Variants in DLG2 observed in about 807,000 individuals in gnomAD.
DLG2 encodes the protein disks large homolog 2.
In DLG2, 45 loss-of-function variants were observed where a neutral mutation model predicts 132.5. That is an observed-to-expected ratio of 0.34 (90% confidence interval 0.27 to 0.44). The LOEUF is 0.44. Ranked by LOEUF, DLG2 falls within the 20% of genes least tolerant of loss-of-function variation. The probability of loss-of-function intolerance (pLI) is 1.00; values close to 1 mark genes in which losing one functional copy is unlikely to be tolerated. For synonymous variants in DLG2, 424 were observed against 419.6 expected, an observed-to-expected ratio of 1.01 and a Z score of -0.13; for missense variants, 1,045 against 1,196.9, an observed-to-expected ratio of 0.87 and a Z score of 1.87.
intron 6 of DLG2, among the ~76,000 whole-genome samples, chr11:84,956,931 C>T (rs542343569): frequency 6.6e-6 from 1 of 152,258 alleles, no homozygotes; most frequent in Admixed American, 6.5e-5. Flanking sequence ...ATTTTCAAGT[C>T]AGTGGCTCAA....
At chr11:85,191,843 T>C (rs2080599922) in intron 4 of DLG2, among the ~76,000 whole-genome samples, 1 of 152,178 alleles carries the variant, frequency 6.6e-6, no homozygotes, top group Non-Finnish European at 1.5e-5. Context: ...ACATACATTA[T>C]CTCAATTGAC....
At chr11:85,530,561 T>C (rs747204509) in intron 3 of DLG2, among the ~76,000 whole-genome samples, 46 of 152,252 alleles carry the variant, frequency 3.0e-4, no homozygotes, top group Admixed American at 7.9e-4. Context: ...CACCTTGTCA[T>C]CTGCCCACCT....
chr11:84,634,476 G>T (rs760091966), intron 6 of DLG2, among the ~76,000 whole-genome samples: 3 of 152,020 alleles, frequency 2.0e-5, no homozygotes, highest in Admixed American at 2.0e-4. Flanking sequence ...AGTCACAGGC[G>T]GACAACTATT....
intron 6 of DLG2, among the ~76,000 whole-genome samples, chr11:84,679,327 AT>A (rs1488176466): frequency 1.3e-5 from 2 of 152,082 alleles, no homozygotes; most frequent in Non-Finnish European, 2.9e-5. Context: ...ATGTCAATAT[AT>A]AGAGATTTTC....
intron 4 of DLG2, among the ~76,000 whole-genome samples, chr11:85,190,438 C>G (rs2080438673): frequency 6.6e-6 from 1 of 151,382 alleles, no homozygotes; most frequent in Admixed American, 6.6e-5. Flanking sequence ...AACCTGACAT[C>G]ACCCCTAAAG....
intron 6 of DLG2, among the ~76,000 whole-genome samples, chr11:85,079,104 G>C (rs1324753303): frequency 1.3e-5 from 2 of 152,064 alleles, no homozygotes; most frequent in East Asian, 1.9e-4. Context: ...TGGAAGTGGG[G>C]AGATTGTTGC....
chr11:85,227,926 T>C (rs1010181994), intron 4 of DLG2, among the ~76,000 whole-genome samples: 1 of 152,082 alleles, frequency 6.6e-6, no homozygotes, highest in Non-Finnish European at 1.5e-5. Context: ...ATCACACATG[T>C]TGTCTCTACC....
At position 85,261,837 on chromosome 11, in the gene DLG2, A is replaced by C. The variant is rs554481562; in HGVS notation, c.186+23383T>G. ...TCCCTGATAAGGAGGCGGCCCTTAAAAGTGACATCAAGGTTGGGCTATCAG... is the reference window on the plus strand; with the variant it reads ...TCCCTGATAAGGAGGCGGCCCTTAACAGTGACATCAAGGTTGGGCTATCAG... On this transcript the variant is annotated intron_variant, in intron 4 of 27. Transcript: ENST00000376104. 3.3e-5 allele frequency among the ~76,000 whole-genome samples: 5 copies of C among 152,234 alleles called. No homozygotes were observed. In the East Asian group the frequency reaches 9.7e-4, roughly 29 times the overall value.
At chr11:83,874,837 AT>A (rs2064356688) in intron 15 of DLG2, among the ~76,000 whole-genome samples, 2 of 152,262 alleles carry the variant, frequency 1.3e-5, no homozygotes, top group South Asian at 4.1e-4. Flanking sequence ...ATAAGAGTTA[AT>A]TTTTTTATAA....
At chr11:83,955,293 G>A (rs2086544012) in intron 14 of DLG2, among the ~76,000 whole-genome samples, 1 of 152,170 alleles carries the variant, frequency 6.6e-6, no homozygotes, top group Non-Finnish European at 1.5e-5. Context: ...TCAAACCTAA[G>A]CAGGGTAGCT....
At position 84,410,087 on chromosome 11, in the gene DLG2, C is replaced by A. The variant is rs757472038; in HGVS notation, c.519+124483G>T. ...ACTCCTAGGCAAGAAGAGCTAATTA[C>A]TGACTGAACCCTGATGGCTGAGCAT... On this transcript the variant is annotated intron_variant, in intron 7 of 27. Coordinates refer to ENST00000376104, the MANE Select transcript of DLG2 (RefSeq NM_001142699.3). Among the ~76,000 whole-genome samples, 7 of 152,194 alleles carry A rather than the reference C, an allele frequency of 4.6e-5. No homozygotes were observed. The South Asian group carries it at 8.3e-4, about 18-fold the overall frequency.
intron 6 of DLG2, among the ~76,000 whole-genome samples, chr11:84,606,691 C>G (rs1007868945): frequency 6.6e-6 from 1 of 152,018 alleles, no homozygotes; most frequent in Non-Finnish European, 1.5e-5. Flanking sequence ...CAAGTAAAAA[C>G]AAGTGCACTC....
At chr11:85,493,738 G>T (rs968824877) in intron 3 of DLG2, among the ~76,000 whole-genome samples, 22 of 146,786 alleles carry the variant, frequency 1.5e-4, no homozygotes, top group Non-Finnish European at 3.2e-4. Context: ...GAAGAGGGGA[G>T]GGGGAGAGAA....
At chr11:85,481,500 G>T (rs2093288365) in intron 3 of DLG2, among the ~76,000 whole-genome samples, 1 of 152,104 alleles carries the variant, frequency 6.6e-6, no homozygotes, top group Non-Finnish European at 1.5e-5. Context: ...GGCAGCACAG[G>T]GAGAGATACC....
At chr11:84,460,129 T>G (rs1274539968) in intron 7 of DLG2, among the ~76,000 whole-genome samples, 2 of 150,596 alleles carry the variant, frequency 1.3e-5, no homozygotes, top group Non-Finnish European at 3.0e-5. Flanking sequence ...ACTTTTTTAT[T>G]TTTTTGATCT....
At chr11:83,609,269 A>G (rs990982006) in intron 19 of DLG2, among the ~76,000 whole-genome samples, 2 of 152,174 alleles carry the variant, frequency 1.3e-5, no homozygotes, top group African/African-American at 4.8e-5. Flanking sequence ...TTCTATACCA[A>G]CATACAGGCT....
chr11:84,805,366 A>G (rs991951786), intron 6 of DLG2, among the ~76,000 whole-genome samples: 1 of 152,096 alleles, frequency 6.6e-6, no homozygotes, highest in Non-Finnish European at 1.5e-5. Flanking sequence ...ATTACCAAGA[A>G]CCAAAAAGAC....
intron 3 of DLG2, among the ~76,000 whole-genome samples, chr11:85,334,991 A>G (rs941509492): frequency 2.0e-5 from 3 of 151,908 alleles, no homozygotes; most frequent in African/African-American, 4.8e-5. Flanking sequence ...GGTTTTCTCA[A>G]TGATCTCTCT....
intron 4 of DLG2, among the ~76,000 whole-genome samples, chr11:85,222,821 A>G (rs1595504717): frequency 6.6e-6 from 1 of 152,160 alleles, no homozygotes; most frequent in Non-Finnish European, 1.5e-5. Context: ...GGCTAGTCCT[A>G]TGGTAGCTTC....
Sources: allele counts gnomAD v4.1 joint callset (sites outside exome capture counted in the v4.1 genomes callset), GRCh38; gene constraint gnomAD v4.1.1; transcripts MANE v1.5; gene names NCBI Gene and HGNC (gene_info 2026-07-23, HGNC 2026-07-21).